The following PUSL1 variants were observed in gnomAD, a reference collection of about 807,000 sequenced individuals.
PUSL1 encodes the protein tRNA pseudouridine synthase-like 1.
A neutral mutation model predicts 30.7 loss-of-function variants in PUSL1; 51 were observed. That is an observed-to-expected ratio of 1.66 (90% CI 1.33 to 2.10). PUSL1 has a LOEUF of 2.10. Among genes scored for constraint, PUSL1 ranks in the 30% most tolerant of loss-of-function variants. PUSL1 has a pLI of 0.00. For missense variants in PUSL1, 609 were observed against 427.6 expected (o/e 1.42, Z -3.74); for synonymous variants, 290 against 192.1 (o/e 1.51, Z -4.21).
At chr1:1,310,059 G>A (rs1284351653) in intron 5 of PUSL1, 3 of 542,342 alleles carry the variant, frequency 5.5e-6, no homozygotes, top group Non-Finnish European at 9.8e-6. Flanking sequence ...GAACAGGGAA[G>A]GCTGCTTGTC....
In PUSL1 at chr1:1,311,571, A is replaced by G. The variant is rs540894935; in HGVS notation, c.*192A>G. ...ATGGGGCACAGTGCAGGACACAGCC[A>G]TGTACACCAAGAAGAGAGTACCAAG... is the stretch of plus-strand genomic sequence containing the variant. On this transcript the variant is annotated 3_prime_UTR_variant, in exon 8 of 8. Transcript: ENST00000379031. 2.2e-5 allele frequency: 16 copies of G among 727,798 alleles called. No individual in the cohort carries two copies. The African/African-American group carries it at 2.4e-4, about 11-fold the overall frequency. The allele number at this position is 727,798 out of a possible 1,614,324, so 45.1% of individuals were successfully genotyped here. A position where few individuals can be genotyped will look rare whatever the true frequency, so the allele number is the denominator to read the frequency against.
Position 1,310,714 on chromosome 1 carries a change from C to A in PUSL1, c.699+26C>A, listed in dbSNP as rs112794315. 3.1e-6 allele frequency: 5 copies of A among 1,612,226 alleles called. No homozygotes were observed. The African/African-American group carries it at 4.0e-5, about 13-fold the overall frequency. ...GTAGGCTCTGTTCTGGGGCCGTCCC[C>A]AGGGGGTGGGGCTGAGGGTGGGCAG... On this transcript the variant is annotated intron_variant, in intron 6 of 7. Coordinates refer to ENST00000379031, the MANE Select transcript of PUSL1 (RefSeq NM_153339.3).
intron 2 of PUSL1, 48 bp downstream of exon 2, chr1:1,309,020 C>A (rs1557619645): frequency 7.2e-7 from 1 of 1,388,150 alleles, no homozygotes; most frequent in East Asian, 3.0e-5. Flanking sequence ...AAGGGGGAGG[C>A]TCCCGCCCGC....
chr1:1,309,598 G>A lies in PUSL1; in HGVS notation c.468G>A (p.Pro156=), dbSNP rs376174027. 2.5e-4 allele frequency: 409 copies of A among 1,610,140 alleles called. No homozygotes were observed. Among genetic ancestry groups the A allele is most frequent in the Non-Finnish European group, 3.3e-4 (390 of 1,178,396 alleles). The change falls in exon 4 of 8, where the codon CCG becomes CCA. Residue 156 remains proline, a synonymous_variant. Coordinates refer to ENST00000379031, the MANE Select transcript of PUSL1 (RefSeq NM_153339.3). ...VFERNLCWTL[P]ADCLDMVAMQ... ...AACGCAACCTATGCTGGACTCTCCC[G>A]GCAGAGTGAGTGTGGCCCTGACAGC...
At position 1,309,539 on chromosome 1, in the gene PUSL1, G is replaced by A. The variant is rs751923165; in HGVS notation, c.409G>A (p.Gly137Ser). ...SRTYLYRLAT[G>S]CHRRDELPVF... ...GACCTACCTGTACCGCCTGGCCACT[G>A]GCTGTCACCGGCGTGATGAGCTGCC... is the stretch of plus-strand genomic sequence containing the variant. Residue 137 changes from glycine (G) to serine (S), a missense_variant, in exon 4 of 8, where the codon GGC becomes AGC. Physicochemically the swap from Gly to Ser is moderately conservative, Grantham distance 56 (BLOSUM62 0). Coordinates refer to ENST00000379031, the MANE Select transcript of PUSL1 (RefSeq NM_153339.3). The A allele has an allele frequency of 2.5e-6, 4 of 1,611,000 alleles. No homozygotes were observed. Among genetic ancestry groups the A allele is most frequent in the African/African-American group, 1.3e-5 (1 of 74,918 alleles).
At chr1:1,310,489 A>G in intron 5 of PUSL1, 145 bp from the exon 6 acceptor site, 1 of 686,234 alleles carries the variant, frequency 1.5e-6, no homozygotes, top group Admixed American at 2.3e-5. Context: ...GGGGCAGGAG[A>G]TCAGCCAGGG....
At chr1:1,310,395 T>C in intron 5 of PUSL1, 1 of 532,244 alleles carries the variant, frequency 1.9e-6, no homozygotes, top group Non-Finnish European at 3.4e-6. Context: ...ATGGCCAGGC[T>C]ACCTGCCCAG....
Position 1,310,955 on chromosome 1 carries a change from T to C in PUSL1, c.746T>C (p.Leu249Ser), listed in dbSNP as rs779715243. Residue 249 changes from leucine to serine, a missense_variant, in exon 7 of 8, where the codon TTG (leucine) becomes TCG (serine). Physicochemically the swap from Leu to Ser is moderately radical, Grantham distance 145. Coordinates refer to ENST00000379031, the MANE Select transcript of PUSL1 (RefSeq NM_153339.3). The stretch of plus-strand genomic sequence containing the variant: ...CTGGTGGCCGTGGGGCTGGGGGCTT[T>C]GGCACCTGCCCAGGTGAAGACGATT... The part of the protein sequence containing the change: ...AVLVAVGLGA[L>S]APAQVKTILE... 6.2e-7 allele frequency: 1 copy of C among 1,612,922 alleles called. No homozygotes were observed. The highest frequency in any genetic ancestry group is 8.5e-7 in the Non-Finnish European group (1 of 1,179,922).
chr1:1,309,296 C>T (rs1202889231), intron 3 of PUSL1, 23 bp downstream of exon 3: 1 of 1,473,860 alleles, frequency 6.8e-7, no homozygotes, highest in Non-Finnish European at 9.0e-7. Flanking sequence ...CCTAAGCAGC[C>T]CTGGGGCTGT....
Position 1,311,421 on chromosome 1 carries a change from C to G in PUSL1, c.*42C>G. 2 of 1,578,598 alleles carry G rather than the reference C, an allele frequency of 1.3e-6. No individual in the cohort carries two copies. The highest frequency in any genetic ancestry group is 1.7e-6 in the Non-Finnish European group (2 of 1,161,662). ...CAAAGTTAGGCCACACCAGGCCCAA[C>G]CCTGTGCTGGTCAAGCCAGGGCAGT... is the stretch of plus-strand genomic sequence containing the variant. On this transcript the variant is annotated 3_prime_UTR_variant, in exon 8 of 8. Transcript: ENST00000379031.
intron 5 of PUSL1, chr1:1,310,195 A>T: frequency 2.8e-6 from 1 of 355,616 alleles, no homozygotes; most frequent in Non-Finnish European, 5.2e-6. Context: ...GCCACCCACC[A>T]GGTGGCAGCT....
In PUSL1 at chr1:1,309,214, CTTCCCGCCCGAG is replaced by C. The variant is rs767805036; in HGVS notation, c.265_276del (p.Phe89_Glu92del). On this transcript the variant is annotated inframe_deletion, in exon 3 of 8. Transcript: ENST00000379031. Reference sequence around the variant, plus strand: ...TCCAGCGCCGCTCAGGCCGGCCGCCCTTCCCGCCCGAGGTCCTGGCCGAGGCCCTCAACACAC... The same window carrying C: ...TCCAGCGCCGCTCAGGCCGGCCGCCCGTCCTGGCCGAGGCCCTCAACACAC... 6 of 1,525,236 alleles carry C rather than the reference CTTCCCGCCCGAG, an allele frequency of 3.9e-6. No homozygotes were observed. Among genetic ancestry groups the C allele is most frequent in the Non-Finnish European group, 5.2e-6 (6 of 1,144,914 alleles). The allele number at this position is 1,525,236 out of a possible 1,614,324, so 94.5% of individuals were successfully genotyped here. A position where few individuals can be genotyped will look rare whatever the true frequency, so the allele number is the denominator to read the frequency against.
rs746086759 is a variant in PUSL1 at position 1,311,037 on chromosome 1, C to G, written c.828C>G (p.Gly276=). 1 of 1,612,040 alleles carries G rather than the reference C, an allele frequency of 6.2e-7. No homozygotes were observed. The highest frequency in any genetic ancestry group is 8.5e-7 in the Non-Finnish European group (1 of 1,179,338). ...KHQTRVAPAH[G]LFLKSVLYGN... ...AGACACGTGTAGCCCCAGCCCACGG[C>G]TTATTCCTCAAGTCAGTGCTGTACG... Residue 276 remains glycine, a synonymous_variant, in exon 7 of 8, where the codon GGC becomes GGG. Transcript: ENST00000379031.
At chr1:1,308,842 C>A in intron 1 of PUSL1, 73 bp from the exon 2 acceptor site, 1 of 1,430,830 alleles carries the variant, frequency 7.0e-7, no homozygotes. Flanking sequence ...AAGGAAGCGG[C>A]CCTGGCCTCA....
At position 1,309,865 on chromosome 1, in the gene PUSL1, C is replaced by T. The variant is rs1227448739; in HGVS notation, c.644+14C>T. On this transcript the variant is annotated intron_variant, in intron 5 of 7. Coordinates refer to ENST00000379031, the MANE Select transcript of PUSL1 (RefSeq NM_153339.3). ...CGAGGAGAGCAGGTGAGGAAGGGCC[C>T]CTGGGCTGTGGCCCTGCCCTCAAGT... 2.0e-6 allele frequency: 3 copies of T among 1,484,544 alleles called. No individual in the cohort carries two copies. The highest frequency in any genetic ancestry group is 2.7e-6 in the Non-Finnish European group (3 of 1,108,524). 92.0% of individuals were successfully genotyped at this position (1,484,544 alleles called of 1,614,324 possible). A position where few individuals can be genotyped will look rare whatever the true frequency, so the allele number is the denominator to read the frequency against.
intron 1 of PUSL1, 81 bp downstream of exon 1, chr1:1,308,801 G>T: frequency 6.9e-7 from 1 of 1,440,480 alleles, no homozygotes; most frequent in Non-Finnish European, 9.3e-7. Context: ...GCAGGCGGAT[G>T]TCTCTGGACG....
chr1:1,308,982 G>A lies in PUSL1; in HGVS notation c.135+10G>A, dbSNP rs975076633. On this transcript the variant is annotated intron_variant, in intron 2 of 7. Coordinates refer to ENST00000379031, the MANE Select transcript of PUSL1 (RefSeq NM_153339.3). Reference sequence around the variant, plus strand: ...CCAGAACTACCTGGAGGTGCGCTCAGCCGGTCACGGGACGCCCGGTGAGGG... The same window carrying A: ...CCAGAACTACCTGGAGGTGCGCTCAACCGGTCACGGGACGCCCGGTGAGGG... 3 of 1,407,506 alleles carry A rather than the reference G, an allele frequency of 2.1e-6. No individual in the cohort carries two copies. Among genetic ancestry groups the A allele is most frequent in the African/African-American group, 3.0e-5 (2 of 66,300 alleles). The allele number at this position is 1,407,506 out of a possible 1,614,324, so 87.2% of individuals were successfully genotyped here. A position where few individuals can be genotyped will look rare whatever the true frequency, so the allele number is the denominator to read the frequency against.
chr1:1,309,364 T>C, intron 3 of PUSL1, 90 bp from the exon 4 acceptor site: 1 of 1,477,862 alleles, frequency 6.8e-7, no homozygotes, highest in East Asian at 2.5e-5. Context: ...GACTTCCTTG[T>C]CTGGTCGGAG....
intron 1 of PUSL1, 81 bp downstream of exon 1, chr1:1,308,801 G>A: frequency 5.6e-6 from 8 of 1,440,480 alleles, no homozygotes; most frequent in Non-Finnish European, 7.4e-6. Context: ...GCAGGCGGAT[G>A]TCTCTGGACG....
Sources: gnomAD v4.1 joint callset for allele counts on GRCh38, gnomAD v4.1.1 for gene constraint, MANE v1.5 for transcripts, NCBI Gene and HGNC (gene_info 2026-07-23, HGNC 2026-07-21) for gene names.